LRP2: variants seen among roughly 807,000 people sequenced by gnomAD.
The protein encoded by LRP2 is low-density lipoprotein receptor-related protein 2.
Under a neutral mutation model 531.0 loss-of-function variants are expected in LRP2, and 172 were observed. That is an observed-to-expected ratio of 0.32 (90% CI 0.29 to 0.37). LRP2 has a LOEUF of 0.37. Ranked by LOEUF, LRP2 falls within the 10% of genes least tolerant of loss-of-function variation. The pLI is 1.00. For missense variants in LRP2, 5,167 were observed against 5,868.3 expected, an observed-to-expected ratio of 0.88 and a Z score of 3.90; for synonymous variants, 1,992 against 2,027.6, an observed-to-expected ratio of 0.98 and a Z score of 0.47.
chr2:169,152,910 C>T lies in LRP2; in HGVS notation c.12350G>A (p.Arg4117His), dbSNP rs761475630. ...GGATTCAAAGTTGGGGATGTAGGCA[C>T]GTTTGATAGCACCAAACCTAGAGCC... ...GEGSRFGAIK[R>H]AYIPNFESGR... The change falls in exon 67 of 79, where the codon CGT (arginine) becomes CAT (histidine). Residue 4117 changes from arginine to histidine, a missense_variant. Physicochemically the swap from Arg to His is conservative, Grantham distance 29. Around this residue, in one of 6 missense-constraint regions of LRP2, gnomAD observed 564 missense variants for 747.7 expected, o/e 0.75. Transcript: ENST00000649046. The T allele has an allele frequency of 1.7e-5, 27 of 1,613,908 alleles. No homozygotes were observed. In the African/African-American group the frequency reaches 2.5e-4, roughly 15 times the overall value.
intron 4 of LRP2, among the ~76,000 whole-genome samples, chr2:169,301,800 G>T (rs573442482): frequency 6.6e-6 from 1 of 152,078 alleles, no homozygotes; most frequent in Non-Finnish European, 1.5e-5. Flanking sequence ...ATGGACACAA[G>T]GTACTCTGTC....
chr2:169,315,239 T>C (rs989293499), intron 3 of LRP2, among the ~76,000 whole-genome samples: 5 of 152,200 alleles, frequency 3.3e-5, no homozygotes, highest in Admixed American at 2.6e-4. Context: ...TGCAAATGAA[T>C]AAGGCACAAT....
intron 1 of LRP2, among the ~76,000 whole-genome samples, chr2:169,327,460 C>A (rs1438652598): frequency 2.5e-5 from 3 of 119,004 alleles, no homozygotes; most frequent in Non-Finnish European, 3.6e-5. Flanking sequence ...CCCCGCCCGG[C>A]CAGCCGCCCC....
At chr2:169,223,036 C>A (rs1210754855) in intron 33 of LRP2, among the ~76,000 whole-genome samples, 3 of 152,144 alleles carry the variant, frequency 2.0e-5, no homozygotes, top group Admixed American at 2.0e-4. Context: ...ATGTGAGCTA[C>A]TTAAAGACAG....
intron 50 of LRP2, among the ~76,000 whole-genome samples, chr2:169,185,072 T>C (rs1687587057): frequency 6.6e-6 from 1 of 152,142 alleles, no homozygotes; most frequent in South Asian, 2.1e-4. Context: ...ATGACAAGTA[T>C]TGTAAGCAAG....
At chr2:169,223,764 G>A (rs1433402863) in intron 33 of LRP2, among the ~76,000 whole-genome samples, 3 of 152,132 alleles carry the variant, frequency 2.0e-5, no homozygotes, top group Admixed American at 1.3e-4. Flanking sequence ...GAGCCTCCAA[G>A]GGGCCCTTCA....
chr2:169,239,914 C>T (rs1574168342), intron 25 of LRP2, 139 bp from the exon 26 acceptor site: 2 of 748,280 alleles, frequency 2.7e-6, no homozygotes, highest in African/African-American at 1.7e-5. Flanking sequence ...GCAGCATGCA[C>T]TTGGGTGAGT....
intron 16 of LRP2, among the ~76,000 whole-genome samples, 163 bp downstream of exon 16, chr2:169,270,741 A>C (rs537979621): frequency 1.5e-4 from 22 of 144,878 alleles, no homozygotes; most frequent in Admixed American, 1.4e-3. Context: ...GTACCCTAGA[A>C]CTTAAAGTAA....
chr2:169,260,884 A>G (rs1300405528), intron 16 of LRP2, among the ~76,000 whole-genome samples: 3 of 150,376 alleles, frequency 2.0e-5, no homozygotes, highest in African/African-American at 7.3e-5. Flanking sequence ...AAAAAAAATG[A>G]TCAAGAAATA....
At chr2:169,221,910 T>C (rs1357395694) in intron 33 of LRP2, among the ~76,000 whole-genome samples, 2 of 146,228 alleles carry the variant, frequency 1.4e-5, no homozygotes, top group Non-Finnish European at 3.0e-5. Context: ...TAGAGCTCTC[T>C]CTCACACGGC....
intron 3 of LRP2, among the ~76,000 whole-genome samples, chr2:169,309,073 TG>T (rs1684513377): frequency 6.6e-6 from 1 of 152,206 alleles, no homozygotes; most frequent in African/African-American, 2.4e-5. Flanking sequence ...TGGGGTTGTT[TG>T]TTTTTTTCTT....
At chr2:169,322,862 T>G (rs1289177775) in intron 1 of LRP2, among the ~76,000 whole-genome samples, 1 of 152,162 alleles carries the variant, frequency 6.6e-6, no homozygotes, top group Non-Finnish European at 1.5e-5. Context: ...ATTTAGAGAC[T>G]GAGTATTTAG....
At chr2:169,221,945 T>C (rs1181939626) in intron 33 of LRP2, among the ~76,000 whole-genome samples, 1 of 151,204 alleles carries the variant, frequency 6.6e-6, no homozygotes, top group Non-Finnish European at 1.5e-5. Context: ...CACTACAAAA[T>C]TCAGCTATAA....
intron 16 of LRP2, among the ~76,000 whole-genome samples, chr2:169,265,978 G>A (rs1278655732): frequency 6.6e-6 from 1 of 151,928 alleles, no homozygotes; most frequent in Admixed American, 6.6e-5. Context: ...AGCTATTAGA[G>A]CATTTGGGGA....
Position 169,294,606 on chromosome 2 carries a change from T to A in LRP2, c.532A>T (p.Asn178Tyr). 1 of 1,609,934 alleles carries A rather than the reference T, an allele frequency of 6.2e-7. No homozygotes were observed. The highest frequency in any genetic ancestry group is 1.1e-5 in the South Asian group (1 of 91,004). Reference protein sequence around the residue: ...VDCRDSSDEINCTEICLHNEF... With the variant: ...VDCRDSSDEIYCTEICLHNEF... ...TCTTGTGCACAATACTTACTGCAGT[T>A]GATTTCATCTGAGGAGTCCCTGCAA... Residue 178 changes from asparagine to tyrosine, a missense_variant, in exon 5 of 79, where the codon AAC becomes TAC. Transcript: ENST00000649046.
rs774133574 is a variant in LRP2 at position 169,142,780 on chromosome 2, G to A, written c.13002C>T (p.Cys4334=). ...GGCAGAGGTGGCTGCAGATCTGTTTGCAAAGGTTGGGCACTGGAAAGCGGG... is the reference window on the plus strand; with the variant it reads ...GGCAGAGGTGGCTGCAGATCTGTTTACAAAGGTTGGGCACTGGAAAGCGGG... ...LRYNKSVPNL[C]KQICSHLCLL... The change falls in exon 71 of 79, where the codon TGC becomes TGT. Residue 4334 remains cysteine, a synonymous_variant. Coordinates refer to ENST00000649046, the MANE Select transcript of LRP2 (RefSeq NM_004525.3). 53 of 1,613,904 alleles carry A rather than the reference G, an allele frequency of 3.3e-5. No homozygotes were observed. The East Asian group carries it at 1.0e-3, about 31-fold the overall frequency.
intron 4 of LRP2, among the ~76,000 whole-genome samples, chr2:169,306,843 G>C (rs541286766): frequency 1.3e-5 from 2 of 152,246 alleles, no homozygotes; most frequent in South Asian, 4.1e-4. Context: ...TATAGGAAAA[G>C]ACATTTTCAA....
chr2:169,248,788 C>T (rs1438291472), intron 19 of LRP2, among the ~76,000 whole-genome samples: 1 of 131,070 alleles, frequency 7.6e-6, no homozygotes, highest in Non-Finnish European at 1.6e-5. Context: ...GCACCGTGCG[C>T]GAGCCGAAGC....
At chr2:169,209,337 C>G in intron 38 of LRP2, 116 bp downstream of exon 38, 1 of 918,758 alleles carries the variant, frequency 1.1e-6, no homozygotes, top group Non-Finnish European at 1.8e-6. Flanking sequence ...CTTAAATGGT[C>G]TTAATAATTG....
Sources: allele counts gnomAD v4.1 joint callset (sites outside exome capture counted in the v4.1 genomes callset), GRCh38; gene constraint gnomAD v4.1.1; regional missense constraint gnomAD v4.1.1; transcripts MANE v1.5; gene names NCBI Gene and HGNC (gene_info 2026-07-23, HGNC 2026-07-21).